Variants in SERPINF1 observed in about 807,000 individuals in gnomAD.
SERPINF1 encodes pigment epithelium-derived factor.
SERPINF1 carries 29 observed loss-of-function variants against 37.3 expected under a neutral mutation model. The observed-to-expected ratio is 0.78, with a 90% CI of 0.58 to 1.06. The LOEUF (loss-of-function observed/expected upper bound fraction) is 1.06. Among genes scored for constraint, SERPINF1 ranks in the 50% least tolerant of loss-of-function variants. The probability of loss-of-function intolerance (pLI) is 0.00; values close to 1 mark genes in which losing one functional copy is unlikely to be tolerated. For synonymous variants in SERPINF1, 281 were observed against 227.9 expected (o/e 1.23, Z -2.10); for missense variants, 553 against 532.2 (o/e 1.04, Z -0.38).
At chr17:1,766,773 G>A (rs928913020) in intron 1 of SERPINF1, 130 bp from the exon 2 acceptor site, 12 of 811,500 alleles carry the variant, frequency 1.5e-5, no homozygotes, top group Admixed American at 4.2e-5. Context: ...AGGGGTGGTC[G>A]CTGCAGGGGG....
chr17:1,775,152 C>T lies in SERPINF1; in HGVS notation c.738C>T (p.Asp246=). The T allele has an allele frequency of 1.2e-6, 2 of 1,614,090 alleles. No homozygotes were observed. Among genetic ancestry groups the T allele is most frequent in the Non-Finnish European group, 1.7e-6 (2 of 1,180,028 alleles). ...ERTVRVPMMS[D]PKAVLRYGLD... ...CCGTGAGGGTCCCCATGATGTCGGA[C>T]CCTAAGGCTGTTTTACGCTATGGCT... Residue 246 remains aspartate, a synonymous_variant, in exon 6 of 8, where the codon GAC becomes GAT. Coordinates refer to ENST00000254722, the MANE Select transcript of SERPINF1 (RefSeq NM_002615.7).
Position 1,771,888 on chromosome 17 carries a change from C to T in SERPINF1, c.456C>T (p.Ser152=). The change falls in exon 5 of 8, where the codon TCC becomes TCT. Residue 152 remains serine (S), a synonymous_variant. Coordinates refer to ENST00000254722, the MANE Select transcript of SERPINF1 (RefSeq NM_002615.7). ...TCTTCTCAGAGCTGCGCATAAAATC[C>T]AGCTTTGTGGCACCTCTGGAAAAGT... ...IVFEKKLRIK[S]SFVAPLEKSY... The T allele has an allele frequency of 6.2e-7, 1 of 1,613,256 alleles. No homozygotes were observed. Among genetic ancestry groups the T allele is most frequent in the Non-Finnish European group, 8.5e-7 (1 of 1,179,958 alleles).
At chr17:1,776,121 C>T (rs1019275271) in intron 6 of SERPINF1, among the ~76,000 whole-genome samples, 6 of 152,042 alleles carry the variant, frequency 3.9e-5, no homozygotes, top group African/African-American at 1.4e-4. Context: ...TCTCCAAGCC[C>T]TCTTACGGCC....
At chr17:1,765,478 C>T (rs1049037070) in intron 1 of SERPINF1, among the ~76,000 whole-genome samples, 8 of 151,856 alleles carry the variant, frequency 5.3e-5, no homozygotes, top group Middle Eastern at 3.4e-3. Flanking sequence ...CCTGCCACCA[C>T]GCCTGGCTAC....
intron 7 of SERPINF1, among the ~76,000 whole-genome samples, chr17:1,776,980 C>T (rs549207679): frequency 3.3e-5 from 5 of 151,624 alleles, no homozygotes; most frequent in South Asian, 2.1e-4. Context: ...CCTCTCAAGA[C>T]GAGTCTGTCT....
At chr17:1,774,715 GC>G (rs1039485784) in intron 5 of SERPINF1, among the ~76,000 whole-genome samples, 5 of 152,170 alleles carry the variant, frequency 3.3e-5, no homozygotes, top group African/African-American at 1.2e-4. Context: ...ACCCACCCCG[GC>G]CTCCCAATAT....
intron 1 of SERPINF1, among the ~76,000 whole-genome samples, chr17:1,765,868 C>CA (rs531558071): frequency 0.32 from 35,835 of 112,534 alleles, 5,648 homozygotes; most frequent in South Asian, 0.53. Context: ...TCTTGTCTCC[C>CA]AAAAAAAAAA....
intron 2 of SERPINF1, among the ~76,000 whole-genome samples, chr17:1,767,547 G>T (rs1225616425): frequency 6.6e-6 from 1 of 152,220 alleles, no homozygotes; most frequent in Non-Finnish European, 1.5e-5. Flanking sequence ...GGGAGTGAGG[G>T]TATGGAGTGA....
chr17:1,770,760 A>G lies in SERPINF1; in HGVS notation c.284-269A>G. The G allele has an allele frequency of 4.7e-6, 2 of 423,464 alleles. 1 individual carries two copies. Among genetic ancestry groups the G allele is most frequent in the Non-Finnish European group, 8.9e-6 (2 of 225,856 alleles). 26.2% of individuals were successfully genotyped at this position (423,464 alleles called of 1,614,324 possible). A position where few individuals can be genotyped will look rare whatever the true frequency, so the allele number is the denominator to read the frequency against. ...CAGGCGTGAGCCACCGCGCCTGGCC[A>G]GAATAATCTTAAGGGCTATGATGGG... On this transcript the variant is annotated intron_variant, in intron 3 of 7. Coordinates refer to ENST00000254722, the MANE Select transcript of SERPINF1 (RefSeq NM_002615.7).
intron 5 of SERPINF1, 73 bp downstream of exon 5, chr17:1,772,148 A>G (rs996820414): frequency 4.7e-6 from 7 of 1,478,434 alleles, no homozygotes; most frequent in Non-Finnish European, 6.4e-6. Flanking sequence ...ATGGAGTCTT[A>G]CTCTGTAGTC....
intron 5 of SERPINF1, among the ~76,000 whole-genome samples, chr17:1,772,906 G>A (rs141424690): frequency 3.3e-5 from 5 of 152,074 alleles, no homozygotes; most frequent in South Asian, 2.1e-4. Flanking sequence ...GGCTGGTCTC[G>A]AACTCCTGAG....
intron 3 of SERPINF1, chr17:1,770,789 A>G: frequency 2.0e-6 from 1 of 500,776 alleles, no homozygotes. Context: ...TGATGGGAGA[A>G]GTACAGGGAC....
intron 5 of SERPINF1, among the ~76,000 whole-genome samples, chr17:1,774,219 G>A (rs1215019241): frequency 6.6e-6 from 1 of 152,160 alleles, no homozygotes; most frequent in Non-Finnish European, 1.5e-5. Flanking sequence ...TTTTGAGATG[G>A]AGTTTCGCTC....
At chr17:1,770,458 T>C in intron 3 of SERPINF1, 1 of 211,090 alleles carries the variant, frequency 4.7e-6, no homozygotes, top group Non-Finnish European at 9.6e-6. Flanking sequence ...TAGTCTTTTT[T>C]TTTTTTTTTT....
At chr17:1,768,156 GC>G (rs202213540) in intron 2 of SERPINF1, among the ~76,000 whole-genome samples, 11,746 of 152,144 alleles carry the variant, frequency 0.077, 821 homozygotes, top group African/African-American at 0.18. Context: ...GAGGGGCCGG[GC>G]GCGGTGGCTC....
intron 6 of SERPINF1, among the ~76,000 whole-genome samples, 171 bp downstream of exon 6, chr17:1,775,371 G>A (rs532460765): frequency 3.3e-4 from 50 of 152,072 alleles, no homozygotes; most frequent in Non-Finnish European, 6.5e-4. Context: ...CTCTTAAGAT[G>A]GGGCAGGGGA....
chr17:1,764,245 G>C (rs1907239662), intron 1 of SERPINF1, among the ~76,000 whole-genome samples: 1 of 152,246 alleles, frequency 6.6e-6, no homozygotes, highest in Non-Finnish European at 1.5e-5. Context: ...ACTTGGGCCA[G>C]AGGAACTAGA....
At chr17:1,770,901 C>A in intron 3 of SERPINF1, 128 bp from the exon 4 acceptor site, 2 of 1,195,290 alleles carry the variant, frequency 1.7e-6, no homozygotes, top group South Asian at 1.2e-5. Context: ...CCTAGATTGT[C>A]TTGAAGATCA....
intron 3 of SERPINF1, chr17:1,770,407 A>C (rs1325666096): frequency 7.6e-6 from 3 of 393,790 alleles, no homozygotes; most frequent in African/African-American, 2.0e-5. Context: ...CCGAGGACAC[A>C]GCTGGGTTCA....
Sources: allele counts gnomAD v4.1 joint callset (sites outside exome capture counted in the v4.1 genomes callset), GRCh38; gene constraint gnomAD v4.1.1; transcripts MANE v1.5; gene names NCBI Gene and HGNC (gene_info 2026-07-23, HGNC 2026-07-21).